LMTK2: variants seen among roughly 807,000 people sequenced by gnomAD.
LMTK2 encodes serine/threonine-protein kinase LMTK2.
LMTK2 carries 37 observed loss-of-function variants against 127.5 expected under a neutral mutation model. That is an observed-to-expected ratio of 0.29 (90% CI 0.22 to 0.38). The LOEUF (loss-of-function observed/expected upper bound fraction) is 0.38, where lower values mean the gene tolerates loss of function less well. Ranked by LOEUF, LMTK2 falls within the 10% of genes least tolerant of loss-of-function variation. The pLI, the probability that LMTK2 is intolerant of heterozygous loss-of-function variation, is 1.00. For synonymous variants in LMTK2, 819 were observed against 810.1 expected, an observed-to-expected ratio of 1.01 and a Z score of -0.19; for missense variants, 1,694 against 1,920.3, an observed-to-expected ratio of 0.88 and a Z score of 2.20.
At position 98,208,797 on chromosome 7, in the gene LMTK2, A is replaced by G. The variant is rs1409505009; in HGVS notation, c.*3305A>G. 6.6e-6 allele frequency: 1 copy of G among 152,246 alleles called. No individual in the cohort carries two copies. Among genetic ancestry groups the G allele is most frequent in the Non-Finnish European group, 1.5e-5 (1 of 68,044 alleles). The allele number at this position is 152,246 out of a possible 1,614,324, so 9.4% of individuals were successfully genotyped here. ...AAAGCTCGACCAAGCCGAATTGCAA[A>G]CAACGTTCGTTCTATTTTTAAATGT... On this transcript the variant is annotated 3_prime_UTR_variant, in exon 14 of 14. Transcript: ENST00000297293.
At chr7:98,165,607 T>A (rs2116411238) in intron 6 of LMTK2, among the ~76,000 whole-genome samples, 1 of 152,132 alleles carries the variant, frequency 6.6e-6, no homozygotes, top group African/African-American at 2.4e-5. Flanking sequence ...CCCTGTGTAC[T>A]TTTATACCAG....
In LMTK2 at chr7:98,107,298, G is replaced by T. The variant is rs1796123788; in HGVS notation, c.103+18G>T. On this transcript the variant is annotated intron_variant, in intron 1 of 13. Transcript: ENST00000297293. ...AGGTGCAGGTGAGCGGGCCCGCGGC[G>T]GGGACGGGGCTGCGGGGTCTTCGGC... 1.6e-5 allele frequency: 21 copies of T among 1,333,782 alleles called. No individual in the cohort carries two copies. The highest frequency in any genetic ancestry group is 2.0e-5 in the Non-Finnish European group (21 of 1,044,326). 82.6% of individuals were successfully genotyped at this position (1,333,782 alleles called of 1,614,324 possible).
chr7:98,156,061 A>C (rs763796236), intron 5 of LMTK2, among the ~76,000 whole-genome samples: 1 of 152,232 alleles, frequency 6.6e-6, no homozygotes, highest in Non-Finnish European at 1.5e-5. Flanking sequence ...GAAGACATTA[A>C]GAGACATTTC....
intron 1 of LMTK2, among the ~76,000 whole-genome samples, chr7:98,114,048 G>T (rs147327767): frequency 1.3e-5 from 2 of 151,658 alleles, no homozygotes; most frequent in African/African-American, 4.8e-5. Context: ...TCAGGTACCC[G>T]CAGCCACAGC....
At position 98,203,647 on chromosome 7, in the gene LMTK2, C is replaced by T; in HGVS notation, c.4181C>T (p.Ala1394Val). The part of the protein sequence containing the change: ...CGPDLSGPAP[A>V]SGSPYLSRCI... ...CCGGACCTGAGCGGCCCAGCCCCAG[C>T]CTCAGGCTCTCCCTACCTGAGCAGG... The change falls in exon 12 of 14, where the codon GCC becomes GTC. Residue 1394 changes from alanine to valine, a missense_variant. Physicochemically the swap from Ala to Val is moderately conservative, Grantham distance 64. This residue lies in a region of LMTK2 where 554 missense variants were observed against 567.7 expected (regional missense o/e 0.98). Transcript: ENST00000297293. The T allele has an allele frequency of 6.2e-7, 1 of 1,613,762 alleles. No individual in the cohort carries two copies. The highest frequency in any genetic ancestry group is 8.5e-7 in the Non-Finnish European group (1 of 1,179,936).
rs1797781452 is a variant in LMTK2, at chr7:98,205,662, T to C, written c.*170T>C. ...CTTAGCTGCGTTCAAGGCGGGGCCC[T>C]CGGGAGCCCAGGTGCAGAGCGAGGC... On this transcript the variant is annotated 3_prime_UTR_variant, in exon 14 of 14. Transcript: ENST00000297293. 2.8e-6 allele frequency: 2 copies of C among 724,038 alleles called. No homozygotes were observed. Among genetic ancestry groups the C allele is most frequent in the Middle Eastern group, 3.9e-4 (1 of 2,592 alleles). 44.9% of individuals were successfully genotyped at this position (724,038 alleles called of 1,614,324 possible). A position where few individuals can be genotyped will look rare whatever the true frequency, so the allele number is the denominator to read the frequency against.
chr7:98,137,171 C>T, intron 1 of LMTK2, 144 bp from the exon 2 acceptor site: 1 of 711,254 alleles, frequency 1.4e-6, no homozygotes, highest in East Asian at 2.8e-5. Context: ...AGCTTCTTAT[C>T]CTGGATGGAT....
chr7:98,110,657 A>G (rs751173393), intron 1 of LMTK2, among the ~76,000 whole-genome samples: 3 of 152,252 alleles, frequency 2.0e-5, no homozygotes, highest in African/African-American at 4.8e-5. Context: ...GGGACTAGAA[A>G]TAAAGAAAGA....
chr7:98,186,217 C>T (rs1797431047), intron 8 of LMTK2, among the ~76,000 whole-genome samples: 1 of 152,166 alleles, frequency 6.6e-6, no homozygotes, highest in South Asian at 2.1e-4. Flanking sequence ...GGTCCCTCCA[C>T]CACGCCCAGC....
rs1198920791 is a variant in LMTK2 at position 98,204,092 on chromosome 7, G to A, written c.4389G>A (p.Pro1463=). 4 of 1,613,416 alleles carry A rather than the reference G, an allele frequency of 2.5e-6. No homozygotes were observed. The highest frequency in any genetic ancestry group is 3.4e-6 in the Non-Finnish European group (4 of 1,180,038). ...PPARSTEQSW[P]HSAPYSRFSI... ...CCCGGAGCACGGAGCAGAGCTGGCC[G>A]CACTCGGCGCCTTACTCCCGGTTCT... The change falls in exon 13 of 14, where the codon CCG becomes CCA. Residue 1463 remains proline, a synonymous_variant. Coordinates refer to ENST00000297293, the MANE Select transcript of LMTK2 (RefSeq NM_014916.4).
At chr7:98,166,702 A>G (rs1018846014) in intron 6 of LMTK2, among the ~76,000 whole-genome samples, 1 of 152,194 alleles carries the variant, frequency 6.6e-6, no homozygotes, top group Non-Finnish European at 1.5e-5. Context: ...GTGCAGTAAC[A>G]TGCTCTATAG....
rs527439971 is a variant in LMTK2, at chr7:98,125,830, T to G, written c.104-11485T>G. Among the ~76,000 whole-genome samples, 150 of 152,330 alleles carry G rather than the reference T, an allele frequency of 9.8e-4. 2 individuals carry two copies. The highest frequency in any genetic ancestry group is 1.7e-3 in the Admixed American group (26 of 15,296). Reference sequence around the variant, plus strand: ...GAAGATGGTACTTAAAAATCAAAACTTCATTGTAGAGGATTTTGAACATAT... The same window carrying G: ...GAAGATGGTACTTAAAAATCAAAACGTCATTGTAGAGGATTTTGAACATAT... On this transcript the variant is annotated intron_variant, in intron 1 of 13. Transcript: ENST00000297293.
intron 6 of LMTK2, among the ~76,000 whole-genome samples, chr7:98,169,305 T>C (rs1436839524): frequency 6.6e-6 from 1 of 152,254 alleles, no homozygotes; most frequent in Non-Finnish European, 1.5e-5. Context: ...TTCTGTTGAT[T>C]ATATTCTGTC....
intron 1 of LMTK2, among the ~76,000 whole-genome samples, chr7:98,117,468 A>G (rs908679841): frequency 9.9e-5 from 15 of 152,120 alleles, no homozygotes; most frequent in Non-Finnish European, 1.6e-4. Flanking sequence ...TTGTTCTTAC[A>G]TTGTACCAGC....
intron 1 of LMTK2, among the ~76,000 whole-genome samples, chr7:98,123,414 G>A (rs539503949): frequency 3.3e-5 from 5 of 152,034 alleles, no homozygotes; most frequent in South Asian, 2.1e-4. Flanking sequence ...TCATTAATCC[G>A]TCCCAGGTGC....
chr7:98,151,155 A>G (rs951558916), intron 3 of LMTK2, among the ~76,000 whole-genome samples: 20 of 152,224 alleles, frequency 1.3e-4, no homozygotes, highest in African/African-American at 4.8e-4. Flanking sequence ...TGGATCGGAA[A>G]AAAAACAATG....
intron 8 of LMTK2, 97 bp downstream of exon 8, chr7:98,185,232 C>T (rs150099834): frequency 0.019 from 15,493 of 828,526 alleles, 241 homozygotes; most frequent in South Asian, 0.035. Context: ...GAATCTTAGT[C>T]GCTAGGCTTT....
chr7:98,138,717 T>C (rs548744191), intron 2 of LMTK2, among the ~76,000 whole-genome samples: 1 of 152,340 alleles, frequency 6.6e-6, no homozygotes, highest in South Asian at 2.1e-4. Flanking sequence ...AGATAAAGCC[T>C]GATCAGTGTT....
chr7:98,140,178 T>G (rs1341538471), intron 2 of LMTK2, among the ~76,000 whole-genome samples: 1,196 of 23,584 alleles, frequency 0.051, 287 homozygotes, highest in Non-Finnish European at 0.062. Context: ...TTTTCTTTCT[T>G]TTCTTTCTTC....
Sources: gnomAD v4.1 joint callset for allele counts (sites outside exome capture counted in the v4.1 genomes callset) on GRCh38, gnomAD v4.1.1 for gene constraint, gnomAD v4.1.1 regional missense constraint, MANE v1.5 for transcripts, NCBI Gene and HGNC (gene_info 2026-07-23, HGNC 2026-07-21) for gene names.